Variants in MYH14 observed in about 807,000 individuals in gnomAD.
MYH14 encodes the protein myosin-14.
A neutral mutation model predicts 255.5 loss-of-function variants in MYH14; 123 were observed. That is an observed-to-expected ratio of 0.48 (90% CI 0.42 to 0.56). The LOEUF (loss-of-function observed/expected upper bound fraction) is 0.56, where lower values mean the gene tolerates loss of function less well. Ranked by LOEUF, MYH14 falls within the 20% of genes least tolerant of loss-of-function variation. MYH14 has a pLI of 0.00. For synonymous variants in MYH14, 1,095 were observed against 1,161.2 expected, an observed-to-expected ratio of 0.94 and a Z score of 1.16; for missense variants, 2,423 against 2,802.3, an observed-to-expected ratio of 0.86 and a Z score of 3.06.
At chr19:50,306,604 A>ATT in intron 40 of MYH14, among the ~76,000 whole-genome samples, 2 of 152,340 alleles carry the variant, frequency 1.3e-5, no homozygotes, top group East Asian at 3.9e-4. Flanking sequence ...GAGCCATGCA[A>ATT]AATATAAGAC....
chr19:50,227,084 G>A, intron 8 of MYH14, 118 bp downstream of exon 8: 1 of 538,172 alleles, frequency 1.9e-6, no homozygotes, highest in Admixed American at 2.2e-5. Context: ...GATGGGACCT[G>A]ATGCTCAGGC....
In MYH14 at chr19:50,278,275, C is replaced by G. The variant is rs747448760; in HGVS notation, c.4018C>G (p.Leu1340Val). 6.4e-7 allele frequency: 1 copy of G among 1,555,718 alleles called. No individual in the cohort carries two copies. The highest frequency in any genetic ancestry group is 8.7e-7 in the Non-Finnish European group (1 of 1,148,912). Residue 1340 changes from leucine to valine, a missense_variant, in exon 30 of 43, where the codon CTG (leucine) becomes GTG (valine). By Grantham distance (32) the Leu-to-Val change is conservative. Around this residue, in one of 3 missense-constraint regions of MYH14, gnomAD observed 1,513 missense variants for 1,674.8 expected, o/e 0.90. Coordinates refer to ENST00000642316, the MANE Select transcript of MYH14 (RefSeq NM_001145809.2). ...ERARAEAAEK[L>V]QRAQAELENV... ...GGCACGAGCGGAGGCTGCTGAGAAG[C>G]TGCAGCGAGCCCAGGTAAGTGGGGT...
At chr19:50,210,096 CAAAAAAAAAAAAAAAAA>C (rs71180680) in intron 1 of MYH14, among the ~76,000 whole-genome samples, 2 of 59,630 alleles carry the variant, frequency 3.4e-5, no homozygotes, top group African/African-American at 1.2e-4. Context: ...GACTCCGTCT[CAAAAAAAAAAAAAAAAA>C]AAAAAAAAAA....
intron 1 of MYH14, among the ~76,000 whole-genome samples, chr19:50,208,027 C>A (rs2031912875): frequency 6.6e-6 from 1 of 152,130 alleles, no homozygotes; most frequent in African/African-American, 2.4e-5. Flanking sequence ...CCAGAGAGGC[C>A]CTCCCTGGCC....
chr19:50,213,747 G>A (rs183268214), intron 2 of MYH14, among the ~76,000 whole-genome samples: 33 of 152,304 alleles, frequency 2.2e-4, no homozygotes, highest in Admixed American at 7.2e-4. Context: ...GCTTGGAGAG[G>A]GGAAGCCATT....
At chr19:50,304,948 G>C (rs557846739) in intron 40 of MYH14, among the ~76,000 whole-genome samples, 1 of 152,246 alleles carries the variant, frequency 6.6e-6, no homozygotes, top group Admixed American at 6.5e-5. Context: ...GCATTTGGAG[G>C]AGGAGTGTGG....
chr19:50,223,142 G>A (rs748770565), intron 4 of MYH14, 32 bp downstream of exon 4: 2 of 1,613,440 alleles, frequency 1.2e-6, no homozygotes, highest in Non-Finnish European at 1.7e-6. Context: ...CCTGGAGGAG[G>A]AGAGGTCTGG....
intron 11 of MYH14, among the ~76,000 whole-genome samples, chr19:50,244,991 A>G (rs2034046947): frequency 6.6e-6 from 1 of 152,158 alleles, no homozygotes; most frequent in Admixed American, 6.6e-5. Flanking sequence ...GCAGAGACAC[A>G]CTTCTTTTTG....
At chr19:50,211,818 A>C (rs1286019443) in intron 2 of MYH14, among the ~76,000 whole-genome samples, 1 of 145,388 alleles carries the variant, frequency 6.9e-6, no homozygotes, top group African/African-American at 2.5e-5. Flanking sequence ...ATCCCTGCAA[A>C]AAAAAAAAAA....
chr19:50,205,883 A>G (rs992420393), intron 1 of MYH14, among the ~76,000 whole-genome samples: 8 of 151,970 alleles, frequency 5.3e-5, no homozygotes, highest in African/African-American at 1.9e-4. Context: ...ACCCAGCGCT[A>G]GAAGCCAGGG....
intron 10 of MYH14, among the ~76,000 whole-genome samples, chr19:50,237,323 G>T (rs1477839773): frequency 7.0e-6 from 1 of 142,030 alleles, no homozygotes; most frequent in Non-Finnish European, 1.5e-5. Flanking sequence ...ACTCAGGTGT[G>T]AACATTTTTT....
At chr19:50,279,257 T>A (rs1167601345) in intron 30 of MYH14, among the ~76,000 whole-genome samples, 1 of 152,232 alleles carries the variant, frequency 6.6e-6, no homozygotes, top group Non-Finnish European at 1.5e-5. Context: ...CCTTTGTGGC[T>A]GCCTTCTTTT....
intron 24 of MYH14, among the ~76,000 whole-genome samples, chr19:50,271,098 G>T (rs944072708): frequency 3.3e-5 from 5 of 151,336 alleles, no homozygotes; most frequent in Admixed American, 6.6e-5. Flanking sequence ...GCAAGATCTC[G>T]CTCTGTTACC....
chr19:50,293,367 A>T lies in MYH14; in HGVS notation c.5345+46A>T, dbSNP rs2036153079. 6.5e-7 allele frequency: 1 copy of T among 1,548,224 alleles called. No homozygotes were observed. The highest frequency in any genetic ancestry group is 8.8e-7 in the Non-Finnish European group (1 of 1,137,122). On this transcript the variant is annotated intron_variant, in intron 38 of 42. Transcript: ENST00000642316. The surrounding 1 kb of genome is among the most constrained non-coding windows in gnomAD (Gnocchi z 4.1). ...AAGGCTGAGGTACTGCGTCTGCAGG[A>T]GGTGAAGCTGGGGTAGGCTGGAGGT...
intron 2 of MYH14, among the ~76,000 whole-genome samples, chr19:50,215,946 G>A (rs1185032653): frequency 2.0e-5 from 3 of 152,158 alleles, no homozygotes; most frequent in Non-Finnish European, 4.4e-5. Context: ...TTTGAATCCC[G>A]GGTGGCTTCA....
At chr19:50,246,889 A>AGGC in intron 11 of MYH14, 115 bp from the exon 12 acceptor site, 2 of 682,930 alleles carry the variant, frequency 2.9e-6, no homozygotes, top group South Asian at 3.6e-5. Context: ...CTCCTGGGAA[A>AGGC]GGCGGGGCCC....
chr19:50,286,459 C>T (rs931868049), intron 33 of MYH14, 23 bp from the exon 34 acceptor site: 3 of 1,602,476 alleles, frequency 1.9e-6, no homozygotes, highest in Non-Finnish European at 2.6e-6. Flanking sequence ...TTTCCCCCTA[C>T]CCCATCTCCC....
Position 50,309,857 on chromosome 19 carries a change from C to A in MYH14, c.*67C>A. 1 of 1,505,714 alleles carries A rather than the reference C, an allele frequency of 6.6e-7. No individual in the cohort carries two copies. The highest frequency in any genetic ancestry group is 2.0e-5 in the Admixed American group (1 of 50,188). The allele number at this position is 1,505,714 out of a possible 1,614,324, so 93.3% of individuals were successfully genotyped here. A position where few individuals can be genotyped will look rare whatever the true frequency, so the allele number is the denominator to read the frequency against. On this transcript the variant is annotated 3_prime_UTR_variant, in exon 43 of 43. Coordinates refer to ENST00000642316, the MANE Select transcript of MYH14 (RefSeq NM_001145809.2). ...CCCCTTCCTCCCTGGACCCCACGGG[C>A]CCCTGTCCCAGGAACCCCGCCCTCT... is the stretch of plus-strand genomic sequence containing the variant.
intron 23 of MYH14, among the ~76,000 whole-genome samples, 169 bp downstream of exon 23, chr19:50,267,177 TG>T (rs1361313480): frequency 7.1e-6 from 1 of 141,568 alleles, no homozygotes; most frequent in Non-Finnish European, 1.5e-5. Flanking sequence ...GGGCGGGGAT[TG>T]GGGCTGTTTA....
Sources: allele counts gnomAD v4.1 joint callset (sites outside exome capture counted in the v4.1 genomes callset), GRCh38; gene constraint gnomAD v4.1.1; regional missense constraint gnomAD v4.1.1; non-coding constraint Gnocchi (gnomAD v3.1); transcripts MANE v1.5; gene names NCBI Gene and HGNC (gene_info 2026-07-23, HGNC 2026-07-21).